Variants in IDE observed in about 807,000 individuals in gnomAD.
The protein encoded by IDE is insulin-degrading enzyme.
A neutral mutation model predicts 133.2 loss-of-function variants in IDE; 58 were observed. The observed-to-expected ratio is 0.44, with a 90% CI of 0.35 to 0.54. The LOEUF (loss-of-function observed/expected upper bound fraction) is 0.54, where lower values mean the gene tolerates loss of function less well. IDE is among the 20% of genes least tolerant of loss of function. The pLI is 0.00. For missense variants in IDE, 981 were observed against 1,234.0 expected (o/e 0.79, Z 3.07); for synonymous variants, 396 against 421.3 (o/e 0.94, Z 0.73).
intron 5 of IDE, among the ~76,000 whole-genome samples, 192 bp from the exon 6 acceptor site, chr10:92,510,354 C>T (rs893725242): frequency 8.5e-5 from 13 of 152,090 alleles, no homozygotes; most frequent in African/African-American, 2.4e-4. Context: ...TATTATTTCA[C>T]AAGTATTATA....
chr10:92,565,902 T>C (rs896633910), intron 1 of IDE, among the ~76,000 whole-genome samples: 4 of 152,162 alleles, frequency 2.6e-5, no homozygotes, highest in Non-Finnish European at 4.4e-5. Flanking sequence ...CCTGAGGTTC[T>C]TGAGTGAGCC....
Position 92,490,601 on chromosome 10 carries a change from G to A in IDE, c.1431-6C>T. 1 of 1,575,340 alleles carries A rather than the reference G, an allele frequency of 6.3e-7. No individual in the cohort carries two copies. The highest frequency in any genetic ancestry group is 8.7e-7 in the Non-Finnish European group (1 of 1,148,488). On this transcript the variant is annotated splice_region_variant and splice_polypyrimidine_tract_variant and intron_variant, in intron 11 of 24. Coordinates refer to ENST00000265986, the MANE Select transcript of IDE (RefSeq NM_004969.4). ...ATTTAGAAACTATGGCAACCCTAGA[G>A]ATAGAAAAAACAAACAAAAAAACCC...
rs756500288 is a variant in IDE at position 92,525,063 on chromosome 10, C to T, written c.661+6685G>A. On this transcript the variant is annotated intron_variant, in intron 4 of 24. Coordinates refer to ENST00000265986, the MANE Select transcript of IDE (RefSeq NM_004969.4). Reference sequence around the variant, plus strand: ...ATCACTTGAGATCAGGAGTTCAAGACCAGCCTTGCCAACATGGCAAAACAC... The same window carrying T: ...ATCACTTGAGATCAGGAGTTCAAGATCAGCCTTGCCAACATGGCAAAACAC... Among the ~76,000 whole-genome samples the T allele has an allele frequency of 3.8e-4, 58 of 152,174 alleles. 1 individual carries two copies. The highest frequency in any genetic ancestry group is 1.8e-3 in the Admixed American group (28 of 15,274).
At chr10:92,485,125 CTTTTT>C (rs34615998) in intron 13 of IDE, among the ~76,000 whole-genome samples, 32 of 100,836 alleles carry the variant, frequency 3.2e-4, no homozygotes, top group Admixed American at 6.1e-4. Flanking sequence ...TTCTTTCTTT[CTTTTT>C]TTTTTTTTTT....
intron 14 of IDE, 164 bp from the exon 15 acceptor site, chr10:92,479,585 G>A: frequency 1.7e-6 from 1 of 595,714 alleles, no homozygotes; most frequent in Non-Finnish European, 2.9e-6. Context: ...GAAGATGTCT[G>A]AAAAAGAAGC....
chr10:92,473,016 C>T (rs1846051729), intron 17 of IDE, among the ~76,000 whole-genome samples: 1 of 150,680 alleles, frequency 6.6e-6, no homozygotes, highest in African/African-American at 2.4e-5. Flanking sequence ...TATCTCGGCT[C>T]ACTGTAAGCT....
At chr10:92,552,719 C>T (rs531958061) in intron 1 of IDE, among the ~76,000 whole-genome samples, 6 of 151,634 alleles carry the variant, frequency 4.0e-5, no homozygotes, top group African/African-American at 1.5e-4. Context: ...ATTAGCCAGG[C>T]ATGGTGGCAC....
chr10:92,482,361 T>C (rs1205661172), intron 14 of IDE, among the ~76,000 whole-genome samples: 2 of 152,214 alleles, frequency 1.3e-5, no homozygotes, highest in African/African-American at 4.8e-5. Flanking sequence ...AAGACAAAGA[T>C]GAATTGAAGG....
intron 24 of IDE, among the ~76,000 whole-genome samples, chr10:92,455,155 A>T (rs1844924530): frequency 6.6e-6 from 1 of 152,134 alleles, no homozygotes; most frequent in South Asian, 2.1e-4. Context: ...TGAAACTTTT[A>T]GTTCATCACT....
chr10:92,540,843 T>A (rs1210976815), intron 1 of IDE, among the ~76,000 whole-genome samples: 2 of 152,184 alleles, frequency 1.3e-5, no homozygotes, highest in African/African-American at 4.8e-5. Context: ...GGGTTTCAAC[T>A]TCCCTTATCT....
At chr10:92,557,184 C>T (rs185790036) in intron 1 of IDE, among the ~76,000 whole-genome samples, 2 of 152,266 alleles carry the variant, frequency 1.3e-5, no homozygotes, top group East Asian at 3.9e-4. Flanking sequence ...AAGACTCAAA[C>T]TGCCTGACTT....
chr10:92,553,491 A>T lies in IDE; in HGVS notation c.99-15941T>A, dbSNP rs536668142. On this transcript the variant is annotated intron_variant, in intron 1 of 24. Coordinates refer to ENST00000265986, the MANE Select transcript of IDE (RefSeq NM_004969.4). ...AAAAAAGAAGAGAGAATACCTCCAAACTCATTTTATGAAATCAGTATTACC... is the reference window on the plus strand; with the variant it reads ...AAAAAAGAAGAGAGAATACCTCCAATCTCATTTTATGAAATCAGTATTACC... Among the ~76,000 whole-genome samples, 9 of 152,132 alleles carry T rather than the reference A, an allele frequency of 5.9e-5. No individual in the cohort carries two copies. In the South Asian group the frequency reaches 1.9e-3, roughly 32 times the overall value.
Position 92,479,265 on chromosome 10 carries a change from G to T in IDE, c.1884+12C>A, listed in dbSNP as rs772895261. 6.3e-7 allele frequency: 1 copy of T among 1,591,904 alleles called. No homozygotes were observed. The highest frequency in any genetic ancestry group is 1.3e-5 in the African/African-American group (1 of 74,670). ...GTTGATGAGTGGAAGGCTCTAAGGC[G>T]TGGGTACTTACATACATCCCATAGA... On this transcript the variant is annotated intron_variant, in intron 15 of 24. Transcript: ENST00000265986.
In IDE at chr10:92,470,266, G is replaced by C; in HGVS notation, c.2196C>G (p.Asn732Lys). ...CTCAACCACCCACCTGCTTTGTTATGTTTCCATGGAGAAGGGCTTCAATGT... is the reference window on the plus strand; with the variant it reads ...CTCAACCACCCACCTGCTTTGTTATCTTTCCATGGAGAAGGGCTTCAATGT... ...RLHIEALLHG[N>K]ITKQAALGIM... The change falls in exon 18 of 25, where the codon AAC becomes AAG. Residue 732 changes from asparagine to lysine, a missense_variant. By Grantham distance (94) the Asn-to-Lys change is moderately conservative. Coordinates refer to ENST00000265986, the MANE Select transcript of IDE (RefSeq NM_004969.4). 6.2e-7 allele frequency: 1 copy of C among 1,603,924 alleles called. No homozygotes were observed. The highest frequency in any genetic ancestry group is 8.5e-7 in the Non-Finnish European group (1 of 1,174,772).
chr10:92,468,687 A>G (rs1254021292), intron 19 of IDE, among the ~76,000 whole-genome samples, 192 bp downstream of exon 19: 1 of 152,156 alleles, frequency 6.6e-6, no homozygotes, highest in African/African-American at 2.4e-5. Flanking sequence ...CCTATCTCCA[A>G]TTTTACTTAT....
chr10:92,515,557 G>A (rs1318451787), intron 4 of IDE, among the ~76,000 whole-genome samples: 3 of 138,904 alleles, frequency 2.2e-5, no homozygotes, highest in African/African-American at 5.2e-5. Context: ...CCGCGCACCC[G>A]GCCTTTTTTT....
At chr10:92,487,061 G>T in intron 13 of IDE, 135 bp downstream of exon 13, 3 of 733,082 alleles carry the variant, frequency 4.1e-6, no homozygotes, top group South Asian at 4.7e-5. Flanking sequence ...TATTCTTTCT[G>T]CAGCTTTTTT....
chr10:92,478,294 T>C (rs1298896500), intron 15 of IDE, among the ~76,000 whole-genome samples: 2 of 152,242 alleles, frequency 1.3e-5, no homozygotes, highest in Admixed American at 1.3e-4. Context: ...TGCCTATTTA[T>C]AAGTAAAATT....
At chr10:92,567,697 G>C (rs1483376564) in intron 1 of IDE, among the ~76,000 whole-genome samples, 1 of 152,032 alleles carries the variant, frequency 6.6e-6, no homozygotes, top group Non-Finnish European at 1.5e-5. Context: ...TTCTCTTCTG[G>C]TTGTGGTGGC....
Sources: allele counts gnomAD v4.1 joint callset (sites outside exome capture counted in the v4.1 genomes callset), GRCh38; gene constraint gnomAD v4.1.1; transcripts MANE v1.5; gene names NCBI Gene and HGNC (gene_info 2026-07-23, HGNC 2026-07-21).